PRKN: variants seen among roughly 807,000 people sequenced by gnomAD.
The protein encoded by PRKN is parkin RBR E3 ubiquitin protein ligase.
In PRKN, 56 loss-of-function variants were observed where a neutral mutation model predicts 59.5. The observed-to-expected ratio is 0.94, with a 90% CI of 0.76 to 1.18. The LOEUF (loss-of-function observed/expected upper bound fraction) is 1.18. Ranked by LOEUF, PRKN falls within the 50% of genes most tolerant of loss-of-function variation. The probability of loss-of-function intolerance (pLI) is 0.00; values close to 1 mark genes in which losing one functional copy is unlikely to be tolerated. For synonymous variants in PRKN, 250 were observed against 222.1 expected (o/e 1.13, Z -1.12); for missense variants, 657 against 596.4 (o/e 1.10, Z -1.06).
chr6:162,650,433 C>T (rs1172748189), intron 1 of PRKN, among the ~76,000 whole-genome samples: 2 of 151,520 alleles, frequency 1.3e-5, no homozygotes. Flanking sequence ...CCCGTCTCTA[C>T]TAAAAATACA....
rs539697641 is a variant in PRKN at position 162,500,731 on chromosome 6, C to T, written c.8-57258G>A. On this transcript the variant is annotated intron_variant, in intron 1 of 11. Transcript: ENST00000366898. Reference sequence around the variant, plus strand: ...ATCCTTATCTTTTTCTTAATGAATACACAATATGTAATTGATATGCTATCT... The same window carrying T: ...ATCCTTATCTTTTTCTTAATGAATATACAATATGTAATTGATATGCTATCT... Among the ~76,000 whole-genome samples the T allele has an allele frequency of 5.3e-5, 8 of 152,252 alleles. No homozygotes were observed. The South Asian group carries it at 1.7e-3, about 32-fold the overall frequency.
chr6:162,528,313 C>T (rs901695614), intron 1 of PRKN, among the ~76,000 whole-genome samples: 2 of 137,470 alleles, frequency 1.5e-5, no homozygotes, highest in South Asian at 2.3e-4. Context: ...AGTGAAACTC[C>T]GTCTCAAAAG....
At chr6:161,788,211 A>G (rs1251252880) in intron 6 of PRKN, among the ~76,000 whole-genome samples, 2 of 152,192 alleles carry the variant, frequency 1.3e-5, no homozygotes, top group East Asian at 3.9e-4. Context: ...TAGACAACAC[A>G]TGGAACATCA....
At chr6:162,469,244 G>A (rs1030854053) in intron 1 of PRKN, among the ~76,000 whole-genome samples, 1 of 151,416 alleles carries the variant, frequency 6.6e-6, no homozygotes, top group Non-Finnish European at 1.5e-5. Context: ...TTCAGAGGAG[G>A]CGGTCGAGAT....
chr6:161,751,189 T>C (rs1351392767), intron 7 of PRKN, among the ~76,000 whole-genome samples: 1 of 152,244 alleles, frequency 6.6e-6, no homozygotes, highest in African/African-American at 2.4e-5. Flanking sequence ...GTCTACCTTT[T>C]TGCCCAAATT....
At chr6:161,922,973 C>T (rs1289551473) in intron 6 of PRKN, among the ~76,000 whole-genome samples, 3 of 152,162 alleles carry the variant, frequency 2.0e-5, no homozygotes, top group Non-Finnish European at 1.5e-5. Flanking sequence ...ACTATGCTGA[C>T]GTTATGTCCT....
intron 7 of PRKN, among the ~76,000 whole-genome samples, chr6:161,670,167 C>G (rs1337551304): frequency 1.3e-5 from 2 of 152,190 alleles, no homozygotes; most frequent in African/African-American, 4.8e-5. Context: ...AAAGAAGTGA[C>G]TCTCCGGGTA....
At chr6:162,160,854 G>C (rs1044804889) in intron 4 of PRKN, among the ~76,000 whole-genome samples, 1 of 116,482 alleles carries the variant, frequency 8.6e-6, no homozygotes, top group African/African-American at 3.4e-5. Context: ...TCGCGCCACT[G>C]TACTCCAGCC....
At chr6:162,249,775 T>G (rs1029115040) in intron 3 of PRKN, among the ~76,000 whole-genome samples, 1 of 152,142 alleles carries the variant, frequency 6.6e-6, no homozygotes, top group South Asian at 2.1e-4. Flanking sequence ...TGGAACTATG[T>G]AAAAAATAAG....
chr6:161,401,331 C>T lies in PRKN; in HGVS notation c.1084-14454G>A, dbSNP rs909423859. 5.9e-5 allele frequency among the ~76,000 whole-genome samples: 9 copies of T among 152,116 alleles called. No homozygotes were observed. Among genetic ancestry groups the T allele is most frequent in the African/African-American group, 1.9e-4 (8 of 41,404 alleles). The stretch of plus-strand genomic sequence containing the variant: ...AATTAATTTTAAAAGTTAGAGTTGG[C>T]CGGGCATGGTGGCTCACATCTGTAA... On this transcript the variant is annotated intron_variant, in intron 9 of 11. Transcript: ENST00000366898. This position sits in a 1 kb window ranked among gnomAD's most constrained non-coding sequence, Gnocchi z 4.4.
At position 161,525,255 on chromosome 6, in the gene PRKN, A is replaced by G. The variant is rs1056650282; in HGVS notation, c.1083+23599T>C. On this transcript the variant is annotated intron_variant, in intron 9 of 11. Transcript: ENST00000366898. The surrounding 1 kb of genome is among the most constrained non-coding windows in gnomAD (Gnocchi z 4.7). ...AAAACAGGACAACAAATCTTACACT[A>G]AAAATTTGCTCTGTAGAGTTGCAAG... 2.0e-5 allele frequency among the ~76,000 whole-genome samples: 3 copies of G among 152,108 alleles called. No homozygotes were observed. The highest frequency in any genetic ancestry group is 6.5e-5 in the Admixed American group (1 of 15,272).
intron 6 of PRKN, among the ~76,000 whole-genome samples, chr6:161,813,370 G>C (rs1791641704): frequency 6.6e-6 from 1 of 152,158 alleles, no homozygotes; most frequent in Non-Finnish European, 1.5e-5. Context: ...CGGCGAGGCG[G>C]TGCAGTATCT....
chr6:162,505,715 T>C (rs1583687092), intron 1 of PRKN, among the ~76,000 whole-genome samples: 1 of 152,042 alleles, frequency 6.6e-6, no homozygotes, highest in East Asian at 1.9e-4. Context: ...GTAATAGAAA[T>C]AGAAGGGAGA....
intron 5 of PRKN, among the ~76,000 whole-genome samples, chr6:161,994,806 T>G (rs1583454633): frequency 6.6e-6 from 1 of 151,762 alleles, no homozygotes; most frequent in East Asian, 1.9e-4. Context: ...TGAAAGAAAT[T>G]GAAGATGACA....
At chr6:161,783,459 A>G (rs1250570431) in intron 7 of PRKN, among the ~76,000 whole-genome samples, 1 of 152,162 alleles carries the variant, frequency 6.6e-6, no homozygotes, top group Non-Finnish European at 1.5e-5. Flanking sequence ...GGTCGAGAGC[A>G]CCTTGGTACA....
At chr6:162,338,138 C>T (rs1256775669) in intron 2 of PRKN, among the ~76,000 whole-genome samples, 1 of 152,126 alleles carries the variant, frequency 6.6e-6, no homozygotes, top group Non-Finnish European at 1.5e-5. Context: ...CTCCTGACTT[C>T]AAGGTTCTTA....
intron 7 of PRKN, among the ~76,000 whole-genome samples, chr6:161,709,648 G>C (rs1583036699): frequency 6.6e-6 from 1 of 152,292 alleles, no homozygotes; most frequent in Non-Finnish European, 1.5e-5. Flanking sequence ...TCTGAATAAA[G>C]AGCAGAGACT....
At chr6:161,843,762 C>G (rs905851890) in intron 6 of PRKN, among the ~76,000 whole-genome samples, 1 of 152,202 alleles carries the variant, frequency 6.6e-6, no homozygotes, top group African/African-American at 2.4e-5. Flanking sequence ...TGCACTGCAG[C>G]CTGGGCAACA....
At chr6:162,605,062 T>C (rs1050664921) in intron 1 of PRKN, among the ~76,000 whole-genome samples, 9 of 152,212 alleles carry the variant, frequency 5.9e-5, no homozygotes, top group African/African-American at 2.2e-4. Context: ...ATAAAGTATA[T>C]ATCACTTGCC....
Sources: gnomAD v4.1 joint callset for allele counts (sites outside exome capture counted in the v4.1 genomes callset) on GRCh38, gnomAD v4.1.1 for gene constraint, Gnocchi (gnomAD v3.1) non-coding constraint, MANE v1.5 for transcripts, NCBI Gene and HGNC (gene_info 2026-07-23, HGNC 2026-07-21) for gene names.